ANKRD44: variants seen among roughly 807,000 people sequenced by gnomAD.
The protein encoded by ANKRD44 is ankyrin repeat domain 44, also known as serine/threonine-protein phosphatase 6 regulatory ankyrin repeat subunit B.
Under a neutral mutation model 116.0 loss-of-function variants are expected in ANKRD44, and 35 were observed. The observed-to-expected ratio is 0.30, with a 90% CI of 0.23 to 0.40. The LOEUF (loss-of-function observed/expected upper bound fraction) is 0.40, where lower values mean the gene tolerates loss of function less well. Ranked by LOEUF, ANKRD44 falls within the 10% of genes least tolerant of loss-of-function variation. ANKRD44 has a pLI of 1.00. For synonymous variants in ANKRD44, 435 were observed against 461.8 expected (o/e 0.94, Z 0.74); for missense variants, 1,014 against 1,242.6 (o/e 0.82, Z 2.77).
chr2:197,107,325 T>C (rs2078455827), intron 9 of ANKRD44, among the ~76,000 whole-genome samples: 1 of 152,208 alleles, frequency 6.6e-6, no homozygotes, highest in South Asian at 2.1e-4. Flanking sequence ...ATTTTTGAAC[T>C]TGTGTAACCT....
At chr2:196,975,195 C>A (rs1044260688) in intron 21 of ANKRD44, among the ~76,000 whole-genome samples, 29 of 152,186 alleles carry the variant, frequency 1.9e-4, no homozygotes, top group East Asian at 1.7e-3. Context: ...TATAGTACAA[C>A]AAATTAGATC....
At chr2:197,139,292 C>T (rs1354489904) in intron 3 of ANKRD44, among the ~76,000 whole-genome samples, 4 of 152,030 alleles carry the variant, frequency 2.6e-5, no homozygotes, top group Non-Finnish European at 5.9e-5. Context: ...TGGATAACGA[C>T]GTTGTGGTAT....
rs193247067 is a variant in ANKRD44 at position 196,971,748 on chromosome 2, T to C, written c.2369-4302A>G. On this transcript the variant is annotated intron_variant, in intron 21 of 21. Coordinates refer to the ANKRD44 transcript ENST00000424317. ...CCCCTGCTAGTAAAACTCTTAGACC[T>C]GGGCCCCCTGCTAGAAGACAATTGC... Among the ~76,000 whole-genome samples, 554 of 152,274 alleles carry C rather than the reference T, an allele frequency of 3.6e-3. 3 individuals carry two copies. The highest frequency in any genetic ancestry group is 0.012 in the African/African-American group (505 of 41,546).
At chr2:196,990,446 C>T in intron 27 of ANKRD44, 1 of 1,186,670 alleles carries the variant, frequency 8.4e-7, no homozygotes, top group Non-Finnish European at 1.0e-6. Context: ...GAGAGGTAGA[C>T]TTTCACAGAA....
intron 16 of ANKRD44, among the ~76,000 whole-genome samples, chr2:197,064,473 G>C (rs1361483323): frequency 6.6e-6 from 1 of 152,116 alleles, no homozygotes; most frequent in African/African-American, 2.4e-5. Flanking sequence ...AACGTAAATG[G>C]GCTAAATGCT....
chr2:197,107,753 T>C (rs983749472), intron 9 of ANKRD44, among the ~76,000 whole-genome samples: 8 of 152,216 alleles, frequency 5.3e-5, no homozygotes, highest in Non-Finnish European at 7.3e-5. Context: ...GAGGGGCTCC[T>C]GCTAGGTGAT....
chr2:196,986,219 C>A (rs760197388), downstream of ANKRD44, among the ~76,000 whole-genome samples: 1 of 152,064 alleles, frequency 6.6e-6, no homozygotes, highest in African/African-American at 2.4e-5. Context: ...CCTTTATGGG[C>A]CAGCCTGGGC....
chr2:197,043,536 C>A (rs2076949247), intron 16 of ANKRD44, among the ~76,000 whole-genome samples: 1 of 152,124 alleles, frequency 6.6e-6, no homozygotes, highest in African/African-American at 2.4e-5. Context: ...TTAAAAAATA[C>A]TTTCTTACAC....
At chr2:196,995,293 A>G in intron 26 of ANKRD44, 86 bp downstream of exon 26, 1 of 903,738 alleles carries the variant, frequency 1.1e-6, no homozygotes, top group Non-Finnish European at 1.7e-6. Context: ...CCCCAGAGCT[A>G]GTCTGGCACA....
intron 1 of ANKRD44, among the ~76,000 whole-genome samples, chr2:197,299,011 T>C (rs1056588056): frequency 6.6e-6 from 1 of 152,220 alleles, no homozygotes; most frequent in Non-Finnish European, 1.5e-5. Context: ...CAATATCCTA[T>C]TCACACTTTA....
intron 2 of ANKRD44, among the ~76,000 whole-genome samples, chr2:197,168,218 A>G (rs2080143789): frequency 6.6e-6 from 1 of 152,202 alleles, no homozygotes; most frequent in Admixed American, 6.5e-5. Context: ...GAGAAAAGCT[A>G]TCCCACTGTG....
intron 1 of ANKRD44, among the ~76,000 whole-genome samples, chr2:197,258,975 T>C (rs1369521446): frequency 6.6e-6 from 1 of 152,194 alleles, no homozygotes; most frequent in Non-Finnish European, 1.5e-5. Flanking sequence ...TCTGAAGAAC[T>C]TCCAACACAC....
At chr2:197,105,026 G>T (rs1321081967) in intron 9 of ANKRD44, among the ~76,000 whole-genome samples, 1 of 152,162 alleles carries the variant, frequency 6.6e-6, no homozygotes, top group Non-Finnish European at 1.5e-5. Context: ...CTGGGACAGA[G>T]AAATGTAAAT....
intron 3 of ANKRD44, among the ~76,000 whole-genome samples, chr2:197,140,323 A>T (rs575044173): frequency 6.6e-6 from 1 of 151,710 alleles, no homozygotes; most frequent in African/African-American, 2.4e-5. Flanking sequence ...ATTAAAATAT[A>T]TTGTTTAAAT....
chr2:197,199,638 C>T (rs1476627675), intron 1 of ANKRD44, among the ~76,000 whole-genome samples: 2 of 152,022 alleles, frequency 1.3e-5, no homozygotes, highest in Non-Finnish European at 2.9e-5. Flanking sequence ...GGGGGTCTTG[C>T]TATATTGTCC....
intron 20 of ANKRD44, among the ~76,000 whole-genome samples, chr2:197,006,836 G>A (rs997049597): frequency 2.6e-5 from 4 of 152,168 alleles, no homozygotes; most frequent in African/African-American, 9.7e-5. Context: ...GGGTGCAAGT[G>A]GCTAATGCCT....
intron 1 of ANKRD44, among the ~76,000 whole-genome samples, chr2:197,208,636 T>A (rs745450168): frequency 3.3e-5 from 5 of 151,866 alleles, no homozygotes; most frequent in Non-Finnish European, 7.4e-5. Context: ...CCGTCTCTAC[T>A]AAAAATACAA....
intron 4 of ANKRD44, among the ~76,000 whole-genome samples, chr2:197,127,852 C>T (rs553765061): frequency 2.0e-5 from 3 of 152,194 alleles, no homozygotes; most frequent in Admixed American, 6.5e-5. Flanking sequence ...CAGTGTGTGT[C>T]GTTCCTTCTC....
At chr2:197,243,279 C>T (rs967821728) in intron 1 of ANKRD44, among the ~76,000 whole-genome samples, 1 of 151,938 alleles carries the variant, frequency 6.6e-6, no homozygotes, top group African/African-American at 2.4e-5. Context: ...AGTCACTATT[C>T]CAGCCAACAG....
Sources: allele counts gnomAD v4.1 joint callset (sites outside exome capture counted in the v4.1 genomes callset), GRCh38; gene constraint gnomAD v4.1.1; transcripts MANE v1.5; gene names NCBI Gene and HGNC (gene_info 2026-07-23, HGNC 2026-07-21).